Variants in PCDH9 observed in about 807,000 individuals in gnomAD.
PCDH9 encodes the protein protocadherin 9, also known as protocadherin-9.
PCDH9 carries 24 observed loss-of-function variants against 70.6 expected under a neutral mutation model. The ratio of observed to expected loss-of-function variants is 0.34; its 90% confidence interval spans 0.25 to 0.48. The LOEUF is 0.48. Among genes scored for constraint, PCDH9 ranks in the 20% least tolerant of loss-of-function variants. PCDH9 has a pLI of 0.99. For missense variants in PCDH9, 1,281 were observed against 1,503.6 expected (o/e 0.85, Z 2.45); for synonymous variants, 562 against 558.5 (o/e 1.01, Z -0.09).
intron 4 of PCDH9, among the ~76,000 whole-genome samples, chr13:66,560,109 C>G (rs1005022466): frequency 6.6e-6 from 1 of 151,952 alleles, no homozygotes; most frequent in South Asian, 2.1e-4. Flanking sequence ...TCCATTGGAC[C>G]ACAGAAGAAT....
chr13:66,893,365 C>A (rs190713103), intron 3 of PCDH9, among the ~76,000 whole-genome samples: 66 of 152,240 alleles, frequency 4.3e-4, no homozygotes, highest in African/African-American at 1.5e-3. Context: ...GGGTCTGCTG[C>A]CATTTTTGTC....
chr13:66,441,223 A>G (rs1270085700), intron 4 of PCDH9, among the ~76,000 whole-genome samples: 2 of 152,208 alleles, frequency 1.3e-5, no homozygotes, highest in Non-Finnish European at 2.9e-5. Flanking sequence ...GCTCTGGTGG[A>G]TGAAACACTT....
At chr13:67,194,972 A>G (rs1430731281) in intron 2 of PCDH9, among the ~76,000 whole-genome samples, 1 of 152,210 alleles carries the variant, frequency 6.6e-6, no homozygotes, top group Non-Finnish European at 1.5e-5. Context: ...GTTTTGTGTC[A>G]GGGAAGAATT....
intron 4 of PCDH9, among the ~76,000 whole-genome samples, chr13:66,403,412 T>C (rs2138300913): frequency 6.6e-6 from 1 of 152,062 alleles, no homozygotes; most frequent in East Asian, 1.9e-4. Flanking sequence ...TTCCCAAAGT[T>C]TGGATGTAAA....
chr13:67,029,615 T>C (rs898171852), intron 2 of PCDH9, among the ~76,000 whole-genome samples: 1 of 152,196 alleles, frequency 6.6e-6, no homozygotes, highest in African/African-American at 2.4e-5. Context: ...GACTAAGATG[T>C]TTTGCCTTTT....
intron 4 of PCDH9, among the ~76,000 whole-genome samples, chr13:66,318,110 G>A (rs1420902903): frequency 1.3e-5 from 2 of 152,198 alleles, no homozygotes; most frequent in Non-Finnish European, 2.9e-5. Context: ...GGAGGATTAC[G>A]TTTTCCAATC....
chr13:67,191,347 G>C (rs1449332554), intron 2 of PCDH9, among the ~76,000 whole-genome samples: 1 of 151,954 alleles, frequency 6.6e-6, no homozygotes, highest in Non-Finnish European at 1.5e-5. Context: ...TCATTTTGTT[G>C]ATCCCAGGTA....
At position 67,149,314 on chromosome 13, in the gene PCDH9, C is replaced by A. The variant is rs371613766; in HGVS notation, c.3036+76091G>T. On this transcript the variant is annotated intron_variant, in intron 2 of 4. Transcript: ENST00000377865. ...CTGAGCTGGAATTCTGCTTTACTTC[C>A]TATGCGTGTCATGTTGGATATGACA... Among the ~76,000 whole-genome samples the A allele has an allele frequency of 1.2e-4, 18 of 152,210 alleles. No homozygotes were observed. In the East Asian group the frequency reaches 3.5e-3, roughly 29 times the overall value.
At chr13:66,824,586 C>G (rs1649350892) in intron 3 of PCDH9, among the ~76,000 whole-genome samples, 1 of 134,998 alleles carries the variant, frequency 7.4e-6, no homozygotes, top group Admixed American at 7.7e-5. Context: ...ACCCAGGAGA[C>G]AGATGTTGCA....
At chr13:67,004,506 G>A (rs1168390650) in intron 2 of PCDH9, among the ~76,000 whole-genome samples, 1 of 146,034 alleles carries the variant, frequency 6.8e-6, no homozygotes, top group Admixed American at 7.1e-5. Flanking sequence ...GCAGCGAGCC[G>A]AGATTGTGCC....
At chr13:66,622,211 C>A (rs1008013491) in intron 4 of PCDH9, among the ~76,000 whole-genome samples, 7 of 152,226 alleles carry the variant, frequency 4.6e-5, no homozygotes, top group Non-Finnish European at 7.3e-5. Flanking sequence ...ACCTGCAGCC[C>A]GCCATGCCTG....
chr13:67,043,177 T>G (rs1183642086), intron 2 of PCDH9, among the ~76,000 whole-genome samples: 1 of 152,202 alleles, frequency 6.6e-6, no homozygotes, highest in East Asian at 1.9e-4. Context: ...CTTACAAATT[T>G]TAATCAGGAA....
chr13:66,719,708 C>T (rs2078916640), intron 3 of PCDH9, among the ~76,000 whole-genome samples: 1 of 152,100 alleles, frequency 6.6e-6, no homozygotes, highest in African/African-American at 2.4e-5. Flanking sequence ...GATAGCCAAA[C>T]GTTTGTATCA....
At chr13:66,769,780 C>A (rs2079776472) in intron 3 of PCDH9, among the ~76,000 whole-genome samples, 2 of 152,182 alleles carry the variant, frequency 1.3e-5, no homozygotes, top group African/African-American at 4.8e-5. Context: ...AAGGGAACCT[C>A]ATTGATCATT....
At chr13:66,349,184 G>A (rs1280770684) in intron 4 of PCDH9, among the ~76,000 whole-genome samples, 1 of 152,138 alleles carries the variant, frequency 6.6e-6, no homozygotes, top group East Asian at 1.9e-4. Context: ...GCAACCAGCA[G>A]GCAGTGTTTC....
intron 3 of PCDH9, among the ~76,000 whole-genome samples, chr13:66,805,562 C>T (rs138983861): frequency 6.6e-6 from 1 of 152,076 alleles, no homozygotes; most frequent in African/African-American, 2.4e-5. Context: ...ACAGGATGGA[C>T]ATCAGGTTCA....
intron 4 of PCDH9, among the ~76,000 whole-genome samples, chr13:66,398,835 A>G (rs379293): frequency 0.99 from 151,294 of 152,292 alleles, 75,157 homozygotes; most frequent in East Asian, 1. Flanking sequence ...TACATTCTGC[A>G]TAAATAGCAT....
intron 2 of PCDH9, among the ~76,000 whole-genome samples, chr13:67,003,166 T>A (rs1035324850): frequency 6.6e-6 from 1 of 152,118 alleles, no homozygotes; most frequent in Non-Finnish European, 1.5e-5. Context: ...TATACACATA[T>A]ACATACACAT....
intron 4 of PCDH9, among the ~76,000 whole-genome samples, chr13:66,373,322 C>A (rs1474361194): frequency 1.3e-5 from 2 of 151,904 alleles, no homozygotes; most frequent in East Asian, 3.9e-4. Context: ...TGATGATTGC[C>A]AGTGGTGGCG....
Sources: allele counts gnomAD v4.1 joint callset (sites outside exome capture counted in the v4.1 genomes callset), GRCh38; gene constraint gnomAD v4.1.1; transcripts MANE v1.5; gene names NCBI Gene and HGNC (gene_info 2026-07-23, HGNC 2026-07-21).